Variants in VKORC1L1 observed in about 807,000 individuals in gnomAD.
The protein encoded by VKORC1L1 is vitamin K epoxide reductase complex subunit 1-like protein 1.
In VKORC1L1, 2 loss-of-function variants were observed where a neutral mutation model predicts 18.9. The observed-to-expected ratio is 0.11, with a 90% confidence interval of 0.04 to 0.33. The LOEUF is 0.33. VKORC1L1 is among the 10% of genes least tolerant of loss of function. VKORC1L1 has a pLI of 1.00. For synonymous variants in VKORC1L1, 96 were observed against 100.0 expected, an observed-to-expected ratio of 0.96 and a Z score of 0.24; for missense variants, 123 against 224.1, an observed-to-expected ratio of 0.55 and a Z score of 2.88.
At chr7:65,914,813 G>C (rs55876148) in intron 1 of VKORC1L1, among the ~76,000 whole-genome samples, 22 of 152,170 alleles carry the variant, frequency 1.4e-4, no homozygotes, top group African/African-American at 2.2e-4. Context: ...AGACCAGCCC[G>C]GGTAACATGG....
chr7:65,949,785 A>G (rs1790183432), intron 2 of VKORC1L1, among the ~76,000 whole-genome samples: 1 of 152,190 alleles, frequency 6.6e-6, no homozygotes, highest in Non-Finnish European at 1.5e-5. Context: ...CGCTGTCTCA[A>G]AAACTAATAA....
chr7:65,920,453 C>T (rs1789656595), intron 1 of VKORC1L1, among the ~76,000 whole-genome samples: 1 of 152,162 alleles, frequency 6.6e-6, no homozygotes, highest in South Asian at 2.1e-4. Context: ...CCTTCTCCTC[C>T]TGGAGCATAG....
intron 1 of VKORC1L1, among the ~76,000 whole-genome samples, chr7:65,910,936 T>C (rs1209829539): frequency 2.0e-5 from 3 of 152,234 alleles, no homozygotes; most frequent in African/African-American, 7.2e-5. Flanking sequence ...AGCTTATGTC[T>C]GTACATTTGG....
At position 65,890,235 on chromosome 7, in the gene VKORC1L1, G is replaced by A. The variant is rs566317700; in HGVS notation, c.194+16670G>A. 2.6e-4 allele frequency among the ~76,000 whole-genome samples: 39 copies of A among 148,772 alleles called. 1 individual carries two copies. The highest frequency in any genetic ancestry group is 2.4e-3 in the East Asian group (12 of 5,026). On this transcript the variant is annotated intron_variant, in intron 1 of 2. Transcript: ENST00000360768. Reference sequence around the variant, plus strand: ...AGCCTCCACCTCCTGGGTTCACACCGTTCTCCTGCCTCAGCCTCCCGAGTA... The same window carrying A: ...AGCCTCCACCTCCTGGGTTCACACCATTCTCCTGCCTCAGCCTCCCGAGTA...
intron 1 of VKORC1L1, among the ~76,000 whole-genome samples, chr7:65,931,064 A>T (rs2115663498): frequency 6.6e-6 from 1 of 152,340 alleles, no homozygotes; most frequent in South Asian, 2.1e-4. Flanking sequence ...TGCATTTCCA[A>T]AATTAATCCC....
At position 65,883,254 on chromosome 7, in the gene VKORC1L1, G is replaced by A. The variant is rs1156854910; in HGVS notation, c.194+9689G>A. ...CCTCCCAGCTTCAAGCGATTTTCCT[G>A]CTTCAGCCTCCTGAGTAGCTGGAAC... On this transcript the variant is annotated intron_variant, in intron 1 of 2. Coordinates refer to ENST00000360768, the MANE Select transcript of VKORC1L1 (RefSeq NM_173517.6). Among the ~76,000 whole-genome samples the A allele has an allele frequency of 2.7e-5, 4 of 145,790 alleles. No individual in the cohort carries two copies. In the East Asian group the frequency reaches 8.1e-4, roughly 30 times the overall value.
intron 2 of VKORC1L1, among the ~76,000 whole-genome samples, chr7:65,950,516 AATC>A (rs1790195270): frequency 6.6e-6 from 1 of 152,182 alleles, no homozygotes. Flanking sequence ...TATAAATCTA[AATC>A]ATCCTCAGTA....
At chr7:65,950,054 G>A (rs947178514) in intron 2 of VKORC1L1, among the ~76,000 whole-genome samples, 2 of 151,630 alleles carry the variant, frequency 1.3e-5, no homozygotes, top group East Asian at 1.9e-4. Context: ...AAGCTCCAGC[G>A]GTCTTTATTT....
At chr7:65,915,292 C>T (rs1321376267) in intron 1 of VKORC1L1, among the ~76,000 whole-genome samples, 3 of 151,356 alleles carry the variant, frequency 2.0e-5, no homozygotes, top group Admixed American at 6.6e-5. Context: ...GGGGTTTCAC[C>T]GTGTTAGCCA....
At chr7:65,888,825 ATTTCT>A (rs1789058392) in intron 1 of VKORC1L1, among the ~76,000 whole-genome samples, 1 of 152,100 alleles carries the variant, frequency 6.6e-6, no homozygotes, top group African/African-American at 2.4e-5. Context: ...CTCAGCCTTG[ATTTCT>A]TACCTCAAAA....
At chr7:65,880,043 C>T (rs776359261) in intron 1 of VKORC1L1, among the ~76,000 whole-genome samples, 9 of 152,042 alleles carry the variant, frequency 5.9e-5, no homozygotes, top group Middle Eastern at 3.4e-3. Context: ...TTCATAGTGA[C>T]GAGGTCTCAC....
chr7:65,894,502 G>A (rs1789159119), intron 1 of VKORC1L1, among the ~76,000 whole-genome samples: 1 of 152,156 alleles, frequency 6.6e-6, no homozygotes, highest in South Asian at 2.1e-4. Context: ...GCCAAGGCAG[G>A]TGGATCACGA....
intron 1 of VKORC1L1, among the ~76,000 whole-genome samples, chr7:65,917,294 T>G (rs1326203756): frequency 6.6e-6 from 1 of 152,206 alleles, no homozygotes; most frequent in Non-Finnish European, 1.5e-5. Flanking sequence ...AGGCCTTCAT[T>G]GTTCTTCTAG....
rs1430902107 is a variant in VKORC1L1, at chr7:65,873,288, G to T, written c.-84G>T. 7.7e-6 allele frequency: 8 copies of T among 1,032,690 alleles called. No individual in the cohort carries two copies. Among genetic ancestry groups the T allele is most frequent in the Non-Finnish European group, 9.3e-6 (8 of 862,866 alleles). The allele number at this position is 1,032,690 out of a possible 1,614,324, so 64.0% of individuals were successfully genotyped here. A position where few individuals can be genotyped will look rare whatever the true frequency, so the allele number is the denominator to read the frequency against. On this transcript the variant is annotated 5_prime_UTR_variant, in exon 1 of 3. Transcript: ENST00000360768. ...CGGCGGCGGCGGAGGCGGCGGTGGC[G>T]GCGGTGGCGGCTGGGTCGGGCCCCG...
chr7:65,911,504 G>A (rs1789502238), intron 1 of VKORC1L1, among the ~76,000 whole-genome samples: 3 of 152,262 alleles, frequency 2.0e-5, no homozygotes, highest in Middle Eastern at 3.4e-3. Flanking sequence ...ACCTAGATAG[G>A]TTATTACTCT....
At chr7:65,907,499 G>A (rs1789425942) in intron 1 of VKORC1L1, among the ~76,000 whole-genome samples, 2 of 152,148 alleles carry the variant, frequency 1.3e-5, no homozygotes, top group South Asian at 4.2e-4. Flanking sequence ...AACTATTCAT[G>A]GTAGCAATAT....
At chr7:65,866,288 G>A in the VKORC1L1 span, among the ~76,000 whole-genome samples, 1 of 152,126 alleles carries the variant, frequency 6.6e-6, no homozygotes, top group African/African-American at 2.4e-5. Flanking sequence ...TCTTGGTGGG[G>A]GTTATTTATT....
chr7:65,932,986 G>T (rs577581016), intron 1 of VKORC1L1, among the ~76,000 whole-genome samples: 1 of 150,238 alleles, frequency 6.7e-6, no homozygotes, highest in African/African-American at 2.4e-5. Flanking sequence ...GCTGAGGCAG[G>T]AGAATTGCTT....
At chr7:65,921,180 G>C (rs981195151) in intron 1 of VKORC1L1, among the ~76,000 whole-genome samples, 2 of 152,034 alleles carry the variant, frequency 1.3e-5, no homozygotes, top group Admixed American at 1.3e-4. Context: ...ACATCCTACA[G>C]GTGTTGATAG....
Sources: allele counts gnomAD v4.1 joint callset (sites outside exome capture counted in the v4.1 genomes callset), GRCh38; gene constraint gnomAD v4.1.1; transcripts MANE v1.5; gene names NCBI Gene and HGNC (gene_info 2026-07-23, HGNC 2026-07-21).